Variants in RGMB observed in about 807,000 individuals in gnomAD.
The protein encoded by RGMB is repulsive guidance molecule B.
Under a neutral mutation model 26.9 loss-of-function variants are expected in RGMB, and 16 were observed. That is an observed-to-expected ratio of 0.60 (90% CI 0.40 to 0.90). The LOEUF (loss-of-function observed/expected upper bound fraction) is 0.90. Among genes scored for constraint, RGMB ranks in the 40% least tolerant of loss-of-function variants. The pLI is 0.00. For missense variants in RGMB, 512 were observed against 573.3 expected, an observed-to-expected ratio of 0.89 and a Z score of 1.09; for synonymous variants, 225 against 229.3, an observed-to-expected ratio of 0.98 and a Z score of 0.17.
upstream of RGMB, chr5:98,770,120 C>T (rs1299176365): frequency 1.3e-5 from 2 of 152,846 alleles, no homozygotes; most frequent in Non-Finnish European, 2.9e-5. Context: ...CGGGTCTGCC[C>T]GGGACTACAA....
chr5:98,776,485 C>G lies in RGMB; in HGVS notation c.136+2279C>G, dbSNP rs534288891. 4.6e-5 allele frequency among the ~76,000 whole-genome samples: 7 copies of G among 152,300 alleles called. No individual in the cohort carries two copies. The East Asian group carries it at 1.2e-3, about 25-fold the overall frequency. ...GGCTACATCCTTGAGATTGTTTCTG[C>G]TCCGCATTGTCTTGGCATTTTGACA... is the stretch of plus-strand genomic sequence containing the variant. On this transcript the variant is annotated intron_variant, in intron 1 of 2. Transcript: ENST00000513185.
rs767537862 is a variant in RGMB, at chr5:98,793,468, G to A, written c.1029G>A (p.Val343=). ...ACAGCCTGCCTCGCACCTCCTTGGT[G>A]CAGGCCTGGCCTGGCTACACACTGG... ...LGHSLPRTSL[V]QAWPGYTLET... is the part of the protein sequence containing the mutation. The change falls in exon 3 of 3, where the codon GTG becomes GTA. Residue 343 remains valine (V), a synonymous_variant. Transcript: ENST00000513185. 6.2e-6 allele frequency: 10 copies of A among 1,612,946 alleles called. No individual in the cohort carries two copies. Among genetic ancestry groups the A allele is most frequent in the South Asian group, 1.1e-5 (1 of 90,876 alleles).
intron 1 of RGMB, among the ~76,000 whole-genome samples, chr5:98,774,968 T>A (rs1489425004): frequency 6.6e-6 from 1 of 151,906 alleles, no homozygotes; most frequent in African/African-American, 2.4e-5. Flanking sequence ...TTTTTCTTTT[T>A]AAAAAATCGT....
intron 1 of RGMB, among the ~76,000 whole-genome samples, chr5:98,779,230 A>G (rs991281876): frequency 2.0e-5 from 3 of 152,224 alleles, no homozygotes; most frequent in African/African-American, 7.2e-5. Context: ...GCGTAACCTT[A>G]GAGTAATCTT....
chr5:98,785,310 G>C (rs2112362670), intron 2 of RGMB, among the ~76,000 whole-genome samples: 1 of 152,312 alleles, frequency 6.6e-6, no homozygotes, highest in Middle Eastern at 3.4e-3. Flanking sequence ...GCAGCAGTTG[G>C]TGGGAAAGCA....
chr5:98,773,816 C>T lies in RGMB; in HGVS notation c.-255C>T. The T allele has an allele frequency of 4.3e-6, 2 of 462,080 alleles. No homozygotes were observed. Among genetic ancestry groups the T allele is most frequent in the Non-Finnish European group, 7.5e-6 (2 of 267,712 alleles). 28.6% of individuals were successfully genotyped at this position (462,080 alleles called of 1,614,324 possible). ...CTCACGGTCTTTGTGTCTTCTCTTC[C>T]GCCCCTTTCCCTGCCTGCCGCCTCC... On this transcript the variant is annotated 5_prime_UTR_variant, in exon 1 of 3. Coordinates refer to ENST00000513185, the MANE Select transcript of RGMB (RefSeq NM_001366508.1).
At chr5:98,790,983 G>C (rs1746911925) in intron 2 of RGMB, among the ~76,000 whole-genome samples, 1 of 151,972 alleles carries the variant, frequency 6.6e-6, no homozygotes, top group Admixed American at 6.5e-5. Flanking sequence ...AGGGATCCCA[G>C]CATGCCTTAA....
At chr5:98,792,883 C>A in intron 2 of RGMB, 4 of 397,136 alleles carry the variant, frequency 1.0e-5, no homozygotes, top group Non-Finnish European at 1.4e-5. Flanking sequence ...TTTATTTAAA[C>A]TTTAGTTCTA....
At position 98,795,656 on chromosome 5, in the gene RGMB, A is replaced by G. The variant is rs1272812695; in HGVS notation, c.*1903A>G. Reference sequence around the variant, plus strand: ...TAGAAGCTGGACTAGAGACGGACTGACCATCAGCTCTGAACTGTGGCTTTT... The same window carrying G: ...TAGAAGCTGGACTAGAGACGGACTGGCCATCAGCTCTGAACTGTGGCTTTT... On this transcript the variant is annotated 3_prime_UTR_variant, in exon 3 of 3. Transcript: ENST00000513185. The G allele has an allele frequency of 1.3e-5, 2 of 152,204 alleles. No homozygotes were observed. The highest frequency in any genetic ancestry group is 2.9e-5 in the Non-Finnish European group (2 of 68,032). The allele number at this position is 152,204 out of a possible 1,614,324, so 9.4% of individuals were successfully genotyped here. A position where few individuals can be genotyped will look rare whatever the true frequency, so the allele number is the denominator to read the frequency against.
chr5:98,789,751 A>G (rs138640552), intron 2 of RGMB, among the ~76,000 whole-genome samples: 76 of 152,352 alleles, frequency 5.0e-4, no homozygotes, highest in Non-Finnish European at 8.2e-4. Context: ...TTTTAAATGC[A>G]CAGAAATGCC....
rs1011703195 is a variant in RGMB, at chr5:98,794,509, G to C, written c.*756G>C. On this transcript the variant is annotated 3_prime_UTR_variant, in exon 3 of 3. Transcript: ENST00000513185. ...ATGGAAGTTTTGTAGATAAGTACCAGGCATCTCAGTAACTCCTAGACTTTT... is the reference window on the plus strand; with the variant it reads ...ATGGAAGTTTTGTAGATAAGTACCACGCATCTCAGTAACTCCTAGACTTTT... 3 of 152,194 alleles carry C rather than the reference G, an allele frequency of 2.0e-5. No homozygotes were observed. Among genetic ancestry groups the C allele is most frequent in the Non-Finnish European group, 2.9e-5 (2 of 68,046 alleles). The allele number at this position is 152,194 out of a possible 1,614,324, so 9.4% of individuals were successfully genotyped here. A position where few individuals can be genotyped will look rare whatever the true frequency, so the allele number is the denominator to read the frequency against.
Position 98,792,648 on chromosome 5 carries a change from T to G in RGMB, c.646-437T>G, listed in dbSNP as rs1206738583. On this transcript the variant is annotated intron_variant, in intron 2 of 2. Transcript: ENST00000513185. ...CAGCCACGCATGGTGGTATATGCCC[T>G]TAGTCCTGTGTACTCAGGAGGCTGA... 2.2e-5 allele frequency among the ~76,000 whole-genome samples: 3 copies of G among 133,714 alleles called. No individual in the cohort carries two copies. In the East Asian group the frequency reaches 7.1e-4, roughly 32 times the overall value. 87.7% of individuals were successfully genotyped at this position (133,714 alleles called of 152,430 possible). A position where few individuals can be genotyped will look rare whatever the true frequency, so the allele number is the denominator to read the frequency against.
chr5:98,782,889 A>G (rs575903835), intron 2 of RGMB, among the ~76,000 whole-genome samples: 1 of 152,246 alleles, frequency 6.6e-6, no homozygotes, highest in East Asian at 1.9e-4. Context: ...TGGGGGAAAA[A>G]TCTAAACACC....
chr5:98,782,144 C>T (rs917617427), intron 2 of RGMB, among the ~76,000 whole-genome samples: 2 of 152,160 alleles, frequency 1.3e-5, no homozygotes, highest in African/African-American at 4.8e-5. Flanking sequence ...ACTTCACAAC[C>T]TCTAGGAGTT....
chr5:98,793,020 C>G (rs1561447757), intron 2 of RGMB, 65 bp from the exon 3 acceptor site: 1 of 1,342,884 alleles, frequency 7.4e-7, no homozygotes, highest in Non-Finnish European at 1.0e-6. Context: ...GCTCTTGCTA[C>G]AGAGGGTTAC....
At chr5:98,779,215 T>C (rs1200538349) in intron 1 of RGMB, among the ~76,000 whole-genome samples, 1 of 150,078 alleles carries the variant, frequency 6.7e-6, no homozygotes, top group Admixed American at 6.6e-5. Flanking sequence ...ATGTTCATGT[T>C]TTTGGCGTAA....
intron 2 of RGMB, chr5:98,780,411 G>A: frequency 8.9e-6 from 2 of 224,984 alleles, no homozygotes; most frequent in South Asian, 1.1e-4. Context: ...GAGTGCATAT[G>A]TGTGTGACTC....
intron 2 of RGMB, among the ~76,000 whole-genome samples, chr5:98,788,152 C>T (rs1746819600): frequency 6.6e-6 from 1 of 152,168 alleles, no homozygotes; most frequent in African/African-American, 2.4e-5. Flanking sequence ...TTTAAGGTAG[C>T]TGATTTTTTA....
chr5:98,780,615 T>C (rs1746571135), intron 2 of RGMB: 1 of 152,890 alleles, frequency 6.5e-6, no homozygotes, highest in Non-Finnish European at 1.5e-5. Context: ...ACTAACCTCT[T>C]GATGACCGAG....
Sources: gnomAD v4.1 joint callset for allele counts (sites outside exome capture counted in the v4.1 genomes callset) on GRCh38, gnomAD v4.1.1 for gene constraint, MANE v1.5 for transcripts, NCBI Gene and HGNC (gene_info 2026-07-23, HGNC 2026-07-21) for gene names.